The following ZDHHC3 variants were observed in gnomAD, a reference collection of about 807,000 sequenced individuals.
ZDHHC3 encodes the protein zDHHC palmitoyltransferase 3, also known as palmitoyltransferase ZDHHC3.
A neutral mutation model predicts 30.6 loss-of-function variants in ZDHHC3; 9 were observed. The observed-to-expected ratio is 0.29, with a 90% CI of 0.18 to 0.51. The LOEUF is 0.51. Among genes scored for constraint, ZDHHC3 ranks in the 20% least tolerant of loss-of-function variants. The probability of loss-of-function intolerance (pLI) is 0.97; values close to 1 mark genes in which losing one functional copy is unlikely to be tolerated. For synonymous variants in ZDHHC3, 136 were observed against 140.2 expected (o/e 0.97, Z 0.21); for missense variants, 246 against 384.2 (o/e 0.64, Z 3.01).
Position 44,917,833 on chromosome 3 carries a change from A to G in ZDHHC3, c.*8856T>C, listed in dbSNP as rs963544432. The G allele has an allele frequency of 2.4e-6, 3 of 1,275,024 alleles. No homozygotes were observed. The African/African-American group carries it at 4.6e-5, about 19-fold the overall frequency. 79.0% of individuals were successfully genotyped at this position (1,275,024 alleles called of 1,614,324 possible). A position where few individuals can be genotyped will look rare whatever the true frequency, so the allele number is the denominator to read the frequency against. ...ACCATGCCCATAAGCCCCTTTAGCCAAAACCCCAGGATGAAGGTTGACAGC... is the reference window on the plus strand; with the variant it reads ...ACCATGCCCATAAGCCCCTTTAGCCGAAACCCCAGGATGAAGGTTGACAGC... On this transcript the variant is annotated 3_prime_UTR_variant, in exon 7 of 7. Coordinates refer to ENST00000424952, the MANE Select transcript of ZDHHC3 (RefSeq NM_001135179.2).
Position 44,926,989 on chromosome 3 carries a change from TAAAAAGTGTTACTAA to T in ZDHHC3, c.742-157_742-143del. 5.1e-6 allele frequency: 6 copies of T among 1,179,328 alleles called. No homozygotes were observed. In the South Asian group the frequency reaches 1.6e-4, roughly 32 times the overall value. 73.1% of individuals were successfully genotyped at this position (1,179,328 alleles called of 1,614,324 possible). On this transcript the variant is annotated intron_variant, in intron 6 of 6. Coordinates refer to ENST00000424952, the MANE Select transcript of ZDHHC3 (RefSeq NM_001135179.2). ...CTATCTACCTAATATATCTTTCTCA[TAAAAAGTGTTACTAA>T]AAAAATTTCTCCTTTTTTTGGTGGG...
At position 44,925,096 on chromosome 3, in the gene ZDHHC3, A is replaced by G; in HGVS notation, c.*1593T>C. On this transcript the variant is annotated 3_prime_UTR_variant, in exon 7 of 7. Coordinates refer to ENST00000424952, the MANE Select transcript of ZDHHC3 (RefSeq NM_001135179.2). ...AGCAATGAAACAAACACCCAACCAG[A>G]GAAAACTCAAGTAGATTGTGGATAG... 1 of 985,938 alleles carries G rather than the reference A, an allele frequency of 1.0e-6. No individual in the cohort carries two copies. Among genetic ancestry groups the G allele is most frequent in the Non-Finnish European group, 1.2e-6 (1 of 829,954 alleles). The allele number at this position is 985,938 out of a possible 1,614,324, so 61.1% of individuals were successfully genotyped here.
rs1055493889 is a variant in ZDHHC3 at position 44,919,121 on chromosome 3, G to A, written c.*7568C>T. On this transcript the variant is annotated 3_prime_UTR_variant, in exon 7 of 7. Transcript: ENST00000424952. The stretch of plus-strand genomic sequence containing the variant: ...GAATAAATTCTAAGTTAAAAAAATT[G>A]GATCTCAAAAGTATATCCTCATAAG... 1.0e-5 allele frequency: 10 copies of A among 983,722 alleles called. No homozygotes were observed. Among genetic ancestry groups the A allele is most frequent in the Middle Eastern group, 5.2e-4 (1 of 1,932 alleles). 60.9% of individuals were successfully genotyped at this position (983,722 alleles called of 1,614,324 possible).
intron 2 of ZDHHC3, among the ~76,000 whole-genome samples, chr3:44,947,068 A>G (rs1703007491): frequency 6.6e-6 from 1 of 152,208 alleles, no homozygotes; most frequent in African/African-American, 2.4e-5. Context: ...TGGAGAGGAA[A>G]TTCTGAGATC....
In ZDHHC3 at chr3:44,926,222, G is replaced by A. The variant is rs866721402; in HGVS notation, c.*467C>T. 3 of 986,018 alleles carry A rather than the reference G, an allele frequency of 3.0e-6. No homozygotes were observed. In the African/African-American group the frequency reaches 5.2e-5, roughly 17 times the overall value. The allele number at this position is 986,018 out of a possible 1,614,324, so 61.1% of individuals were successfully genotyped here. A position where few individuals can be genotyped will look rare whatever the true frequency, so the allele number is the denominator to read the frequency against. On this transcript the variant is annotated 3_prime_UTR_variant, in exon 7 of 7. Coordinates refer to ENST00000424952, the MANE Select transcript of ZDHHC3 (RefSeq NM_001135179.2). ...CCTCAAGGGGTAAGCATCCATCTTC[G>A]GTGAGGTTTTATGTCCCATCGGGGA... is the stretch of plus-strand genomic sequence containing the variant.
chr3:44,931,720 C>T (rs1375810646), intron 5 of ZDHHC3, among the ~76,000 whole-genome samples: 1 of 152,144 alleles, frequency 6.6e-6, no homozygotes, highest in Non-Finnish European at 1.5e-5. Context: ...CTGGGAGGAC[C>T]CTGACCACTG....
In ZDHHC3 at chr3:44,918,631, C is replaced by T. The variant is rs527528097; in HGVS notation, c.*8058G>A. 45 of 985,464 alleles carry T rather than the reference C, an allele frequency of 4.6e-5. No homozygotes were observed. The African/African-American group carries it at 7.7e-4, about 17-fold the overall frequency. 61.0% of individuals were successfully genotyped at this position (985,464 alleles called of 1,614,324 possible). ...GGGGTTAAGGAAGGAGTGCAGGACA[C>T]AAACAGCATGCGAGGTGAAGAAGCG... On this transcript the variant is annotated 3_prime_UTR_variant, in exon 7 of 7. Coordinates refer to ENST00000424952, the MANE Select transcript of ZDHHC3 (RefSeq NM_001135179.2).
intron 2 of ZDHHC3, among the ~76,000 whole-genome samples, chr3:44,953,157 G>A (rs1377200422): frequency 6.6e-6 from 1 of 152,196 alleles, no homozygotes; most frequent in African/African-American, 2.4e-5. Context: ...AGGTAACAAA[G>A]GCAGGGAAGT....
At chr3:44,972,049 G>A (rs1705449175) in intron 1 of ZDHHC3, among the ~76,000 whole-genome samples, 1 of 152,146 alleles carries the variant, frequency 6.6e-6, no homozygotes, top group Non-Finnish European at 1.5e-5. Context: ...AGGCAAAACG[G>A]TAACTGACTT....
rs773949984 is a variant in ZDHHC3, at chr3:44,920,262, G to A, written c.*6427C>T. On this transcript the variant is annotated 3_prime_UTR_variant, in exon 7 of 7. Transcript: ENST00000424952. ...GGCCCCTCGCCAGGCCTCCCTTCTT[G>A]GCACAGAAGCAGTGACCAGCTGAGA... The A allele has an allele frequency of 7.8e-7, 1 of 1,289,876 alleles. No individual in the cohort carries two copies. Among genetic ancestry groups the A allele is most frequent in the Non-Finnish European group, 1.0e-6 (1 of 988,888 alleles). 79.9% of individuals were successfully genotyped at this position (1,289,876 alleles called of 1,614,324 possible).
At chr3:44,928,049 G>A (rs548404668) in intron 6 of ZDHHC3, among the ~76,000 whole-genome samples, 5 of 152,338 alleles carry the variant, frequency 3.3e-5, no homozygotes, top group Admixed American at 6.5e-5. Flanking sequence ...CCCCCAGACC[G>A]TGGCCCGGCA....
chr3:44,933,307 G>T lies in ZDHHC3; in HGVS notation c.529-108C>A. ...TTGCCACTCAGGAACACTTAGTCAG[G>T]ACAAGGCCTGACCAGGAGGGACCAG... On this transcript the variant is annotated intron_variant, in intron 4 of 6. Transcript: ENST00000424952. 5.2e-6 allele frequency: 5 copies of T among 964,164 alleles called. No individual in the cohort carries two copies. The South Asian group carries it at 5.7e-5, about 11-fold the overall frequency. 59.7% of individuals were successfully genotyped at this position (964,164 alleles called of 1,614,324 possible).
At chr3:44,954,327 T>C (rs1703736689) in intron 2 of ZDHHC3, among the ~76,000 whole-genome samples, 1 of 152,196 alleles carries the variant, frequency 6.6e-6, no homozygotes, top group South Asian at 2.1e-4. Flanking sequence ...CTCAAGATTA[T>C]AATACTATGT....
chr3:44,938,173 G>A (rs557332938), intron 3 of ZDHHC3: 65 of 202,494 alleles, frequency 3.2e-4, no homozygotes, highest in Admixed American at 8.4e-4. Flanking sequence ...TAGTGGAGAC[G>A]GGGTTTCACC....
rs549000609 is a variant in ZDHHC3, at chr3:44,926,558, T to C, written c.*131A>G. The C allele has an allele frequency of 3.8e-5, 48 of 1,267,004 alleles. No homozygotes were observed. The African/African-American group carries it at 6.8e-4, about 18-fold the overall frequency. 78.5% of individuals were successfully genotyped at this position (1,267,004 alleles called of 1,614,324 possible). On this transcript the variant is annotated 3_prime_UTR_variant, in exon 7 of 7. Transcript: ENST00000424952. The stretch of plus-strand genomic sequence containing the variant: ...TTTTTCTCTGCAATGCTCAGCCATT[T>C]TACTTGAGACATAAAAAAAGTTTTA...
intron 1 of ZDHHC3, among the ~76,000 whole-genome samples, chr3:44,968,657 C>T (rs542011759): frequency 5.3e-5 from 8 of 152,334 alleles, no homozygotes; most frequent in Non-Finnish European, 2.9e-5. Flanking sequence ...GATTGCACCA[C>T]TGCACTCCAG....
Position 44,924,857 on chromosome 3 carries a change from C to G in ZDHHC3, c.*1832G>C. Reference sequence around the variant, plus strand: ...ATTCTTTTCTTTTTAATCTTAGCATCTCAGCCTCGCCCGTATCGCATGAAT... The same window carrying G: ...ATTCTTTTCTTTTTAATCTTAGCATGTCAGCCTCGCCCGTATCGCATGAAT... On this transcript the variant is annotated 3_prime_UTR_variant, in exon 7 of 7. Coordinates refer to ENST00000424952, the MANE Select transcript of ZDHHC3 (RefSeq NM_001135179.2). 2.0e-6 allele frequency: 2 copies of G among 985,528 alleles called. No homozygotes were observed. Among genetic ancestry groups the G allele is most frequent in the South Asian group, 4.7e-5 (1 of 21,288 alleles). 61.0% of individuals were successfully genotyped at this position (985,528 alleles called of 1,614,324 possible).
chr3:44,938,172 CG>C, intron 3 of ZDHHC3: 1 of 201,102 alleles, frequency 5.0e-6, no homozygotes, highest in South Asian at 7.4e-5. Flanking sequence ...TTAGTGGAGA[CG>C]GGGTTTCACC....
At chr3:44,967,834 T>G (rs1173396012) in intron 1 of ZDHHC3, among the ~76,000 whole-genome samples, 1 of 152,204 alleles carries the variant, frequency 6.6e-6, no homozygotes, top group African/African-American at 2.4e-5. Flanking sequence ...CTTTTGACAT[T>G]TTGTTGAAAA....
Sources: gnomAD v4.1 joint callset for allele counts (sites outside exome capture counted in the v4.1 genomes callset) on GRCh38, gnomAD v4.1.1 for gene constraint, MANE v1.5 for transcripts, NCBI Gene and HGNC (gene_info 2026-07-23, HGNC 2026-07-21) for gene names.